Variants in HTT-AS observed in about 807,000 individuals in gnomAD.
HTT-AS encodes HTT antisense RNA.
chr4:3,048,065 A>G (rs190413829), downstream of HTT-AS, among the ~76,000 whole-genome samples: 20 of 152,214 alleles, frequency 1.3e-4, no homozygotes, highest in Non-Finnish European at 2.6e-4. Context: ...GCAGCCAGGC[A>G]TTCGGGGCCA....
intron 2 of HTT-AS, among the ~76,000 whole-genome samples, chr4:3,058,573 C>G (rs764167209): frequency 1.3e-5 from 2 of 152,084 alleles, no homozygotes; most frequent in Non-Finnish European, 2.9e-5. Context: ...TTGTGTCAGC[C>G]TCCTACCTCA....
chr4:3,072,586 C>T (rs534043507), intron 1 of HTT-AS, among the ~76,000 whole-genome samples: 224 of 152,328 alleles, frequency 1.5e-3, no homozygotes, highest in African/African-American at 5.0e-3. Flanking sequence ...AGGCCTGACA[C>T]AGTGGACAAA....
At chr4:3,054,655 A>G (rs1411682333) in intron 2 of HTT-AS, among the ~76,000 whole-genome samples, 1 of 152,136 alleles carries the variant, frequency 6.6e-6, no homozygotes, top group East Asian at 1.9e-4. Flanking sequence ...TTAAAGGAGT[A>G]TTATTCATTT....
At chr4:3,073,588 C>T (rs751931138) in intron 1 of HTT-AS, among the ~76,000 whole-genome samples, 4 of 152,246 alleles carry the variant, frequency 2.6e-5, no homozygotes, top group Admixed American at 2.6e-4. Flanking sequence ...ATCACAGTGC[C>T]TCTGTGGGCA....
chr4:3,054,333 A>G (rs1711768112), intron 2 of HTT-AS, among the ~76,000 whole-genome samples: 1 of 152,128 alleles, frequency 6.6e-6, no homozygotes. Context: ...ACCATGCCAT[A>G]GATGGCCTGT....
intron 2 of HTT-AS, among the ~76,000 whole-genome samples, chr4:3,060,651 C>T (rs909911641): frequency 2.6e-5 from 4 of 152,194 alleles, no homozygotes; most frequent in South Asian, 2.1e-4. Flanking sequence ...TGCAGACATA[C>T]ACAAGCAAGC....
chr4:3,069,320 T>TA (rs1712118813), intron 1 of HTT-AS, among the ~76,000 whole-genome samples: 1 of 151,282 alleles, frequency 6.6e-6, no homozygotes, highest in African/African-American at 2.4e-5. Flanking sequence ...TAATTTTTTT[T>TA]TTTTTTTAAA....
intron 2 of HTT-AS, among the ~76,000 whole-genome samples, chr4:3,059,997 C>A (rs181986620): frequency 6.6e-5 from 10 of 151,168 alleles, no homozygotes; most frequent in African/African-American, 1.7e-4. Context: ...TCTCAGCTCA[C>A]TGCAACCTCT....
chr4:3,068,077 G>A (rs1039578476), intron 1 of HTT-AS, among the ~76,000 whole-genome samples: 6 of 151,984 alleles, frequency 3.9e-5, no homozygotes, highest in African/African-American at 9.7e-5. Context: ...AGGCCGAGGC[G>A]GGTGGATCAC....
At chr4:3,072,787 C>G (rs941716059) in intron 1 of HTT-AS, among the ~76,000 whole-genome samples, 1 of 152,126 alleles carries the variant, frequency 6.6e-6, no homozygotes, top group Non-Finnish European at 1.5e-5. Context: ...ACCACTACAC[C>G]CGGCTAATTT....
At position 3,073,099 on chromosome 4, in the gene HTT-AS, G is replaced by A. The variant is rs117140887; in HGVS notation, n.113+1327C>T. Among the ~76,000 whole-genome samples the A allele has an allele frequency of 1.5e-3, 231 of 152,332 alleles. 7 individuals are homozygous for A. The East Asian group carries it at 0.037, about 24-fold the overall frequency. On this transcript the variant is annotated intron_variant and non_coding_transcript_variant, in intron 1 of 2. Transcript: ENST00000664062. ...TTCTCTGCTGTCCTTCTCAAGAAAA[G>A]GGAGGCTACTGCTACCCCACTGGGG...
At chr4:3,059,364 A>G (rs73086111) in intron 2 of HTT-AS, among the ~76,000 whole-genome samples, 9,616 of 151,802 alleles carry the variant, frequency 0.063, 598 homozygotes, top group African/African-American at 0.15. Context: ...ATCTGCTGTG[A>G]TTCTGGGACC....
intron 2 of HTT-AS, among the ~76,000 whole-genome samples, chr4:3,051,959 G>GC (rs2110120275): frequency 6.6e-6 from 1 of 152,250 alleles, no homozygotes; most frequent in African/African-American, 2.4e-5. Flanking sequence ...TAACCATGTG[G>GC]CGGTTACTTG....
chr4:3,059,915 G>GTTT (rs1711892558), intron 2 of HTT-AS, among the ~76,000 whole-genome samples: 1 of 111,514 alleles, frequency 9.0e-6, no homozygotes, highest in Non-Finnish European at 1.9e-5. Flanking sequence ...CTTTGTCCCT[G>GTTT]TGTTTTTTGT....
At chr4:3,070,244 G>A (rs762190931) in intron 1 of HTT-AS, 1 of 152,002 alleles carries the variant, frequency 6.6e-6, no homozygotes, top group Non-Finnish European at 1.5e-5. Flanking sequence ...CCTGCCCAGA[G>A]AGAGTCACTG....
chr4:3,054,278 G>A (rs566335725), intron 2 of HTT-AS, among the ~76,000 whole-genome samples: 130 of 151,866 alleles, frequency 8.6e-4, no homozygotes, highest in African/African-American at 2.9e-3. Flanking sequence ...TTTAAAAAGA[G>A]GGGTGTTTAA....
intron 2 of HTT-AS, among the ~76,000 whole-genome samples, chr4:3,049,790 C>A (rs770402684): frequency 6.6e-6 from 1 of 151,990 alleles, no homozygotes; most frequent in Admixed American, 6.6e-5. Flanking sequence ...TCTTAACATG[C>A]GAGAGCTTTT....
At chr4:3,071,802 G>A (rs982041852) in intron 1 of HTT-AS, among the ~76,000 whole-genome samples, 1 of 152,174 alleles carries the variant, frequency 6.6e-6, no homozygotes, top group Non-Finnish European at 1.5e-5. Flanking sequence ...CAGAGGGACG[G>A]CCACGTGAGG....
At chr4:3,053,757 C>CTTT (rs1163919785) in intron 2 of HTT-AS, among the ~76,000 whole-genome samples, 2 of 129,090 alleles carry the variant, frequency 1.5e-5, no homozygotes, top group Non-Finnish European at 3.4e-5. Flanking sequence ...TTGCTAACTT[C>CTTT]TTTTTTTTTT....
Sources: gnomAD v4.1 joint callset for allele counts (sites outside exome capture counted in the v4.1 genomes callset) on GRCh38, gnomAD v4.1.1 for gene constraint, MANE v1.5 for transcripts, NCBI Gene and HGNC (gene_info 2026-07-23, HGNC 2026-07-21) for gene names.